The following CARMIL1 variants were observed in gnomAD, a reference collection of about 807,000 sequenced individuals.
The protein encoded by CARMIL1 is F-actin-uncapping protein LRRC16A.
CARMIL1 carries 90 observed loss-of-function variants against 177.1 expected under a neutral mutation model. The ratio of observed to expected loss-of-function variants is 0.51; its 90% CI spans 0.43 to 0.61. CARMIL1 has a LOEUF of 0.61. Ranked by LOEUF, CARMIL1 falls within the 20% of genes least tolerant of loss-of-function variation. The pLI, the probability that CARMIL1 is intolerant of heterozygous loss-of-function variation, is 0.00. For synonymous variants in CARMIL1, 577 were observed against 606.2 expected (o/e 0.95, Z 0.71); for missense variants, 1,380 against 1,667.0 (o/e 0.83, Z 3.00).
At chr6:25,489,903 ACTGT>A (rs1171900872) in intron 13 of CARMIL1, among the ~76,000 whole-genome samples, 1 of 152,228 alleles carries the variant, frequency 6.6e-6, no homozygotes, top group East Asian at 1.9e-4. Context: ...CCAAAATAAT[ACTGT>A]GGCAAAGTAG....
chr6:25,494,795 A>G (rs1803540572), intron 15 of CARMIL1, among the ~76,000 whole-genome samples: 1 of 152,344 alleles, frequency 6.6e-6, no homozygotes, highest in Non-Finnish European at 1.5e-5. Flanking sequence ...AGAAATATAC[A>G]TCTTCTCTGA....
intron 8 of CARMIL1, among the ~76,000 whole-genome samples, chr6:25,453,525 ATGTT>A (rs1799197547): frequency 1.3e-5 from 2 of 152,204 alleles, no homozygotes; most frequent in Non-Finnish European, 2.9e-5. Context: ...GGATATTAAA[ATGTT>A]TGTACTCAAG....
At chr6:25,453,418 A>G (rs987763858) in intron 8 of CARMIL1, among the ~76,000 whole-genome samples, 2 of 152,226 alleles carry the variant, frequency 1.3e-5, no homozygotes, top group African/African-American at 4.8e-5. Flanking sequence ...TTAAAAATGC[A>G]ACTATCACAC....
intron 5 of CARMIL1, among the ~76,000 whole-genome samples, chr6:25,439,191 T>C (rs1797498624): frequency 6.8e-6 from 1 of 147,338 alleles, no homozygotes; most frequent in African/African-American, 2.5e-5. Flanking sequence ...TTCTGGGGGG[T>C]GGGATCTGTA....
chr6:25,306,718 T>G (rs1050324798), intron 2 of CARMIL1, among the ~76,000 whole-genome samples: 3 of 152,214 alleles, frequency 2.0e-5, no homozygotes, highest in Non-Finnish European at 4.4e-5. Flanking sequence ...TTGTTTTTAT[T>G]TTTTGGCTAC....
At chr6:25,479,135 A>G in intron 11 of CARMIL1, 1 of 518,974 alleles carries the variant, frequency 1.9e-6, no homozygotes, top group South Asian at 1.4e-5. Flanking sequence ...AAGAGACAGA[A>G]TGTTCCCACC....
intron 2 of CARMIL1, among the ~76,000 whole-genome samples, chr6:25,335,879 C>T (rs1376926694): frequency 2.0e-5 from 3 of 150,730 alleles, no homozygotes; most frequent in Admixed American, 6.6e-5. Context: ...TGGAATTGTA[C>T]GTGTCTTTTA....
intron 2 of CARMIL1, among the ~76,000 whole-genome samples, chr6:25,352,152 TA>T (rs71744522): frequency 0.76 from 109,043 of 143,906 alleles, 41,088 homozygotes; most frequent in African/African-American, 0.77. Flanking sequence ...TTGGATACAG[TA>T]AAAAAAAAAA....
intron 16 of CARMIL1, among the ~76,000 whole-genome samples, chr6:25,499,659 C>T (rs376548997): frequency 3.4e-4 from 51 of 152,210 alleles, no homozygotes; most frequent in Non-Finnish European, 6.8e-4. Context: ...CCACCCACTA[C>T]TGTAGGTCGT....
chr6:25,480,360 A>G (rs1471411390), intron 11 of CARMIL1, among the ~76,000 whole-genome samples: 2 of 152,104 alleles, frequency 1.3e-5, no homozygotes, highest in East Asian at 3.9e-4. Flanking sequence ...AGATGATGTT[A>G]ATCAGAGCAT....
chr6:25,516,931 A>G (rs1806063005), intron 21 of CARMIL1, among the ~76,000 whole-genome samples: 1 of 152,180 alleles, frequency 6.6e-6, no homozygotes, highest in Admixed American at 6.5e-5. Flanking sequence ...GGGGGGAACA[A>G]TCTCAGTAGC....
At chr6:25,292,386 C>T (rs1334012905) in intron 2 of CARMIL1, among the ~76,000 whole-genome samples, 3 of 152,096 alleles carry the variant, frequency 2.0e-5, no homozygotes, top group African/African-American at 4.8e-5. Context: ...GCATTGTTGC[C>T]AAGGATGCTG....
chr6:25,326,953 G>A lies in CARMIL1; in HGVS notation c.138+42044G>A. Among the ~76,000 whole-genome samples the A allele has an allele frequency of 6.6e-6, 1 of 152,030 alleles. No individual in the cohort carries two copies. Among genetic ancestry groups the A allele is most frequent in the Non-Finnish European group, 1.5e-5 (1 of 67,998 alleles). Reference sequence around the variant, plus strand: ...AGGGAGACTGGTGGGGGTAGCAAAAGGACATAACTTTTGAACACATTGCGT... The same window carrying A: ...AGGGAGACTGGTGGGGGTAGCAAAAAGACATAACTTTTGAACACATTGCGT... On this transcript the variant is annotated intron_variant, in intron 2 of 36. Transcript: ENST00000329474. The surrounding 1 kb of genome is among the most constrained non-coding windows in gnomAD (Gnocchi z 4.2).
intron 8 of CARMIL1, among the ~76,000 whole-genome samples, chr6:25,460,364 C>A (rs1562169450): frequency 6.6e-6 from 1 of 152,142 alleles, no homozygotes; most frequent in African/African-American, 2.4e-5. Flanking sequence ...TCATCAGAGT[C>A]TTGATTATTA....
chr6:25,590,900 A>T (rs1215607585), intron 31 of CARMIL1, among the ~76,000 whole-genome samples: 2 of 152,078 alleles, frequency 1.3e-5, no homozygotes, highest in African/African-American at 4.8e-5. Context: ...CTAAGAGTCA[A>T]CTGTTTTATC....
In CARMIL1 at chr6:25,355,479, T is replaced by A. The variant is rs181041528; in HGVS notation, c.139-64635T>A. 4.1e-3 allele frequency among the ~76,000 whole-genome samples: 630 copies of A among 152,110 alleles called. 11 individuals carry two copies. The highest frequency in any genetic ancestry group is 0.028 in the Admixed American group (430 of 15,284). Reference sequence around the variant, plus strand: ...GAAACATAGGGAGACTCTGTCTTTATGAAAAAAGAAAAAAAATTAATTGGG... The same window carrying A: ...GAAACATAGGGAGACTCTGTCTTTAAGAAAAAAGAAAAAAAATTAATTGGG... On this transcript the variant is annotated intron_variant, in intron 2 of 36. Coordinates refer to ENST00000329474, the MANE Select transcript of CARMIL1 (RefSeq NM_017640.6).
At chr6:25,355,130 G>T (rs1788463967) in intron 2 of CARMIL1, among the ~76,000 whole-genome samples, 1 of 152,104 alleles carries the variant, frequency 6.6e-6, no homozygotes, top group Non-Finnish European at 1.5e-5. Context: ...TGACCTCTGG[G>T]ACCCCCAAGC....
At chr6:25,450,964 CTCTT>C (rs1798823396) in intron 8 of CARMIL1, among the ~76,000 whole-genome samples, 1 of 7,884 alleles carries the variant, frequency 1.3e-4, no homozygotes, top group Non-Finnish European at 2.9e-4. Context: ...CTCCTCTCCT[CTCTT>C]CTCTTCTCCT....
chr6:25,405,700 T>C (rs908825721), intron 2 of CARMIL1, among the ~76,000 whole-genome samples: 2 of 152,250 alleles, frequency 1.3e-5, no homozygotes, highest in African/African-American at 4.8e-5. Flanking sequence ...TATCTTTTTA[T>C]TGTTCTATTT....
Sources: allele counts gnomAD v4.1 joint callset (sites outside exome capture counted in the v4.1 genomes callset), GRCh38; gene constraint gnomAD v4.1.1; non-coding constraint Gnocchi (gnomAD v3.1); transcripts MANE v1.5; gene names NCBI Gene and HGNC (gene_info 2026-07-23, HGNC 2026-07-21).